HPSE2: variants seen among roughly 807,000 people sequenced by gnomAD.
HPSE2 encodes inactive heparanase-2.
HPSE2 carries 38 observed loss-of-function variants against 60.5 expected under a neutral mutation model. The ratio of observed to expected loss-of-function variants is 0.63; its 90% CI spans 0.48 to 0.82. The LOEUF (loss-of-function observed/expected upper bound fraction) is 0.82. Ranked by LOEUF, HPSE2 falls within the 40% of genes least tolerant of loss-of-function variation. The pLI is 0.00. For missense variants in HPSE2, 713 were observed against 740.4 expected, an observed-to-expected ratio of 0.96 and a Z score of 0.43; for synonymous variants, 295 against 293.2, an observed-to-expected ratio of 1.01 and a Z score of -0.06.
At chr10:98,642,281 T>C (rs896992108) in intron 6 of HPSE2, among the ~76,000 whole-genome samples, 1 of 152,104 alleles carries the variant, frequency 6.6e-6, no homozygotes, top group African/African-American at 2.4e-5. Flanking sequence ...TTAACACCCA[T>C]CCCATGCCCA....
intron 3 of HPSE2, among the ~76,000 whole-genome samples, chr10:99,130,796 CTGGAAACTG>C (rs1845352782): frequency 6.6e-6 from 1 of 152,140 alleles, no homozygotes; most frequent in Non-Finnish European, 1.5e-5. Context: ...GGACAAATTC[CTGGAAACTG>C]TGGATATAGC....
chr10:98,665,726 A>G (rs1287845465), intron 6 of HPSE2, among the ~76,000 whole-genome samples: 2 of 152,170 alleles, frequency 1.3e-5, no homozygotes, highest in Non-Finnish European at 2.9e-5. Flanking sequence ...TTCTCAGACA[A>G]CCAAACAGTA....
At chr10:98,511,578 G>A (rs1489903501) in intron 9 of HPSE2, among the ~76,000 whole-genome samples, 1 of 151,066 alleles carries the variant, frequency 6.6e-6, no homozygotes, top group African/African-American at 2.4e-5. Flanking sequence ...GTGTGTGTGT[G>A]TGTGTGTGTG....
intron 3 of HPSE2, among the ~76,000 whole-genome samples, chr10:98,915,857 C>T (rs1049922814): frequency 3.9e-5 from 6 of 152,256 alleles, no homozygotes; most frequent in Middle Eastern, 3.4e-3. Context: ...ACAATAGAAG[C>T]TGGGCTTACC....
At chr10:99,154,071 G>A (rs909572841) in intron 2 of HPSE2, among the ~76,000 whole-genome samples, 14 of 151,084 alleles carry the variant, frequency 9.3e-5, no homozygotes, top group African/African-American at 3.4e-4. Context: ...AAAAAGAAAT[G>A]AGCAAAGCCT....
chr10:98,522,316 T>G (rs1332140247), intron 9 of HPSE2, among the ~76,000 whole-genome samples: 1 of 151,536 alleles, frequency 6.6e-6, no homozygotes, highest in East Asian at 1.9e-4. Flanking sequence ...TGTGGAGAGA[T>G]AGAGAATCTT....
Position 99,110,975 on chromosome 10 carries a change from G to A in HPSE2, c.610+33263C>T, listed in dbSNP as rs77583302. Reference sequence around the variant, plus strand: ...TCCATTTTTAATCCATGATCCATGAGTTAATTTTTATGAAAGATATAAAGT... The same window carrying A: ...TCCATTTTTAATCCATGATCCATGAATTAATTTTTATGAAAGATATAAAGT... On this transcript the variant is annotated intron_variant, in intron 3 of 11. Coordinates refer to ENST00000370552, the MANE Select transcript of HPSE2 (RefSeq NM_021828.5). 7.9e-5 allele frequency among the ~76,000 whole-genome samples: 12 copies of A among 152,142 alleles called. No individual in the cohort carries two copies. In the East Asian group the frequency reaches 2.3e-3, roughly 29 times the overall value.
intron 7 of HPSE2, among the ~76,000 whole-genome samples, chr10:98,639,178 T>C (rs1946575424): frequency 6.6e-6 from 1 of 152,208 alleles, no homozygotes; most frequent in African/African-American, 2.4e-5. Flanking sequence ...ACAAGCCTTC[T>C]GATGGTCCCA....
chr10:98,804,670 T>C (rs529003772), intron 3 of HPSE2, among the ~76,000 whole-genome samples: 2 of 152,252 alleles, frequency 1.3e-5, no homozygotes, highest in East Asian at 3.9e-4. Context: ...GAAATGCTCC[T>C]ATGCTGTTGG....
chr10:99,207,701 A>G (rs1272344103), intron 2 of HPSE2, among the ~76,000 whole-genome samples: 1 of 152,068 alleles, frequency 6.6e-6, no homozygotes, highest in East Asian at 1.9e-4. Flanking sequence ...GAGTTGTTTT[A>G]TGTGATCGAA....
At position 98,967,110 on chromosome 10, in the gene HPSE2, C is replaced by T. The variant is rs996373136; in HGVS notation, c.610+177128G>A. ...TTAGGAGAAGGGGGTAGACTCCAAACGGTTTTTTTCCGAGCATTTAGCTGG... is the reference window on the plus strand; with the variant it reads ...TTAGGAGAAGGGGGTAGACTCCAAATGGTTTTTTTCCGAGCATTTAGCTGG... On this transcript the variant is annotated intron_variant, in intron 3 of 11. Coordinates refer to ENST00000370552, the MANE Select transcript of HPSE2 (RefSeq NM_021828.5). Among the ~76,000 whole-genome samples, 16 of 152,288 alleles carry T rather than the reference C, an allele frequency of 1.1e-4. No homozygotes were observed. In the East Asian group the frequency reaches 1.9e-3, roughly 18 times the overall value.
rs755668011 is a variant in HPSE2 at position 98,696,487 on chromosome 10, G to A, written c.957-2540C>T. 4.6e-5 allele frequency among the ~76,000 whole-genome samples: 7 copies of A among 152,122 alleles called. No homozygotes were observed. The East Asian group carries it at 7.7e-4, about 17-fold the overall frequency. The stretch of plus-strand genomic sequence containing the variant: ...GAAGCCCCGATCCTCAGTCAGGAAA[G>A]GCAGTCAGTGAGTGTGCTACCCAGC... On this transcript the variant is annotated intron_variant, in intron 5 of 11. Coordinates refer to ENST00000370552, the MANE Select transcript of HPSE2 (RefSeq NM_021828.5).
intron 5 of HPSE2, among the ~76,000 whole-genome samples, chr10:98,695,932 G>A (rs772794864): frequency 2.3e-4 from 35 of 152,188 alleles, no homozygotes; most frequent in Non-Finnish European, 3.5e-4. Context: ...GCTCTTAAAT[G>A]AATAGAAGGA....
chr10:98,577,869 A>G (rs1260280702), intron 9 of HPSE2, among the ~76,000 whole-genome samples: 3 of 152,076 alleles, frequency 2.0e-5, no homozygotes, highest in Non-Finnish European at 2.9e-5. Flanking sequence ...TTTTCATTTC[A>G]TTTATTTGAG....
intron 3 of HPSE2, among the ~76,000 whole-genome samples, chr10:99,079,237 T>C (rs1031934922): frequency 6.6e-6 from 1 of 151,970 alleles, no homozygotes; most frequent in African/African-American, 2.4e-5. Context: ...AGTTGGGGCA[T>C]TGGATGTGTG....
At chr10:98,812,101 T>C (rs1186425646) in intron 3 of HPSE2, among the ~76,000 whole-genome samples, 1 of 152,190 alleles carries the variant, frequency 6.6e-6, no homozygotes, top group African/African-American at 2.4e-5. Flanking sequence ...TCATTTGATT[T>C]GTGTGGTTCT....
intron 3 of HPSE2, among the ~76,000 whole-genome samples, chr10:98,933,464 C>A: frequency 6.9e-6 from 1 of 143,960 alleles, no homozygotes; most frequent in African/African-American, 2.8e-5. Flanking sequence ...AGATATCTAT[C>A]AGGTCCACTT....
chr10:99,256,280 T>C, the HPSE2 span, among the ~76,000 whole-genome samples: 1 of 149,172 alleles, frequency 6.7e-6, no homozygotes, highest in Non-Finnish European at 1.5e-5. Context: ...CCCTCATGAA[T>C]GGATTAATGC....
At chr10:99,306,055 G>A in the HPSE2 span, among the ~76,000 whole-genome samples, 3 of 144,712 alleles carry the variant, frequency 2.1e-5, no homozygotes, top group African/African-American at 7.7e-5. Flanking sequence ...GAAGAGAGAA[G>A]AAAAAAAATG....
Sources: allele counts gnomAD v4.1 joint callset (sites outside exome capture counted in the v4.1 genomes callset), GRCh38; gene constraint gnomAD v4.1.1; transcripts MANE v1.5; gene names NCBI Gene and HGNC (gene_info 2026-07-23, HGNC 2026-07-21).